ACOX2: variants seen among roughly 807,000 people sequenced by gnomAD.
The protein encoded by ACOX2 is acyl-CoA oxidase 2, also known as peroxisomal acyl-coenzyme A oxidase 2.
A neutral mutation model predicts 77.5 loss-of-function variants in ACOX2; 59 were observed. The ratio of observed to expected loss-of-function variants is 0.76; its 90% confidence interval spans 0.62 to 0.95. ACOX2 has a LOEUF of 0.95. Ranked by LOEUF, ACOX2 falls within the 40% of genes least tolerant of loss-of-function variation. The pLI is 0.00. For missense variants in ACOX2, 837 were observed against 880.4 expected, an observed-to-expected ratio of 0.95 and a Z score of 0.62; for synonymous variants, 317 against 340.1, an observed-to-expected ratio of 0.93 and a Z score of 0.75.
chr3:58,534,225 A>G lies in ACOX2; in HGVS notation c.324-80T>C. On this transcript the variant is annotated intron_variant, in intron 3 of 14. Coordinates refer to ENST00000302819, the MANE Select transcript of ACOX2 (RefSeq NM_003500.4). The surrounding 1 kb of genome is among the most constrained non-coding windows in gnomAD (Gnocchi z 4.8). Reference sequence around the variant, plus strand: ...ACCCCCTGCCTGAGCAGAGTACAGGAGATAAAGGGCACCTAGCATCCTGGT... The same window carrying G: ...ACCCCCTGCCTGAGCAGAGTACAGGGGATAAAGGGCACCTAGCATCCTGGT... 2.5e-6 allele frequency: 4 copies of G among 1,586,198 alleles called. No homozygotes were observed. Among genetic ancestry groups the G allele is most frequent in the Non-Finnish European group, 3.4e-6 (4 of 1,168,070 alleles).
At position 58,519,713 on chromosome 3, in the gene ACOX2, G is replaced by C. The variant is rs770327188; in HGVS notation, c.1633-2290C>G. On this transcript the variant is annotated intron_variant, in intron 12 of 14. Transcript: ENST00000302819. This position sits in a 1 kb window ranked among gnomAD's most constrained non-coding sequence, Gnocchi z 5.0. ...GGAAAGAACTTGTGTTTCCTAGGGGGCCCTCACACAGGTGCTGACAACTCC... is the reference window on the plus strand; with the variant it reads ...GGAAAGAACTTGTGTTTCCTAGGGGCCCCTCACACAGGTGCTGACAACTCC... 7.9e-5 allele frequency among the ~76,000 whole-genome samples: 12 copies of C among 152,192 alleles called. No homozygotes were observed. The highest frequency in any genetic ancestry group is 2.6e-4 in the Admixed American group (4 of 15,284).
At position 58,525,320 on chromosome 3, in the gene ACOX2, T is replaced by C. The variant is rs2063386580; in HGVS notation, c.1347-715A>G. Among the ~76,000 whole-genome samples, 1 of 152,256 alleles carries C rather than the reference T, an allele frequency of 6.6e-6. No individual in the cohort carries two copies. The highest frequency in any genetic ancestry group is 2.1e-4 in the South Asian group (1 of 4,834). On this transcript the variant is annotated intron_variant, in intron 10 of 14. Transcript: ENST00000302819. This position sits in a 1 kb window ranked among gnomAD's most constrained non-coding sequence, Gnocchi z 5.0. Reference sequence around the variant, plus strand: ...ATTTTTAAAAATATAATAAATGTTGTTTTTCATATTTGCCAGTGAACTTCT... The same window carrying C: ...ATTTTTAAAAATATAATAAATGTTGCTTTTCATATTTGCCAGTGAACTTCT...
rs4387990 is a variant in ACOX2, at chr3:58,530,656, G to A, written c.820-18C>T. The A allele has an allele frequency of 0.42, 667,358 of 1,607,502 alleles. 147,604 individuals carry two copies. The highest frequency in any genetic ancestry group is 0.46 in the Non-Finnish European group (540,659 of 1,175,570). On this transcript the variant is annotated intron_variant, in intron 7 of 14. Coordinates refer to ENST00000302819, the MANE Select transcript of ACOX2 (RefSeq NM_003500.4). ...GGCAAGACCTGTGTGGAACAAGGAC[G>A]GGCACAAGTTCTGGGCCAAGGCTTC...
chr3:58,530,729 G>A (rs981972820), intron 7 of ACOX2, 91 bp from the exon 8 acceptor site: 1 of 1,413,564 alleles, frequency 7.1e-7, no homozygotes, highest in Non-Finnish European at 9.6e-7. Context: ...ACACATGGAG[G>A]GCACCTCGCC....
intron 13 of ACOX2, 81 bp downstream of exon 13, chr3:58,517,125 T>G (rs1436880734): frequency 6.7e-7 from 1 of 1,485,568 alleles, no homozygotes; most frequent in Non-Finnish European, 9.3e-7. Flanking sequence ...TTAGCAAGGT[T>G]TTGGAGTTGG....
rs2063254731 is a variant in ACOX2, at chr3:58,508,926, G to A, written c.1950C>T (p.Phe650=). ...CYDGNVYERL[F]QWAQKSPTNT... ...TGGTTGGTGACTTCTGAGCCCACTG[G>A]AACAGGCGTTCGTAGACGTTTCCAT... Residue 650 remains phenylalanine (F), a synonymous_variant, in exon 14 of 15, where the codon TTC becomes TTT. Transcript: ENST00000302819. 6.2e-7 allele frequency: 1 copy of A among 1,614,038 alleles called. No homozygotes were observed. The highest frequency in any genetic ancestry group is 8.5e-7 in the Non-Finnish European group (1 of 1,180,030).
chr3:58,509,635 A>G (rs1479394351), intron 13 of ACOX2, among the ~76,000 whole-genome samples: 2 of 122,232 alleles, frequency 1.6e-5, no homozygotes, highest in Admixed American at 8.4e-5. Flanking sequence ...TTTGATACAG[A>G]GTCTCAGTTG....
At chr3:58,530,142 G>A (rs1015831445) in intron 8 of ACOX2, among the ~76,000 whole-genome samples, 1 of 152,234 alleles carries the variant, frequency 6.6e-6, no homozygotes, top group Non-Finnish European at 1.5e-5. Context: ...CACAGAACAC[G>A]GCTGGACTCG....
At chr3:58,507,006 A>G (rs1360404348) in intron 14 of ACOX2, among the ~76,000 whole-genome samples, 1 of 152,208 alleles carries the variant, frequency 6.6e-6, no homozygotes, top group Non-Finnish European at 1.5e-5. Context: ...GATCATGTAC[A>G]TTAGCAGGCA....
chr3:58,521,280 C>T lies in ACOX2; in HGVS notation c.1632+1216G>A, dbSNP rs1560214764. Reference sequence around the variant, plus strand: ...TCAACGTCCAGCCTGCCTGACCAGCCCTGTCCCACGAGGGCCTCTGCAGCC... The same window carrying T: ...TCAACGTCCAGCCTGCCTGACCAGCTCTGTCCCACGAGGGCCTCTGCAGCC... On this transcript the variant is annotated intron_variant, in intron 12 of 14. Coordinates refer to ENST00000302819, the MANE Select transcript of ACOX2 (RefSeq NM_003500.4). The surrounding 1 kb of genome is among the most constrained non-coding windows in gnomAD (Gnocchi z 4.8). Among the ~76,000 whole-genome samples, 1 of 152,168 alleles carries T rather than the reference C, an allele frequency of 6.6e-6. No homozygotes were observed. The highest frequency in any genetic ancestry group is 1.5e-5 in the Non-Finnish European group (1 of 68,024).
rs2063355085 is a variant in ACOX2, at chr3:58,521,134, TGTTGACAGGACA to T, written c.1632+1350_1632+1361del. ...GCAGGAAGCCTTGGCTCACCCTCTG[TGTTGACAGGACA>T]GTTAGCACAGCAGGGGGTGCCCCTG... On this transcript the variant is annotated intron_variant, in intron 12 of 14. Transcript: ENST00000302819. This position sits in a 1 kb window ranked among gnomAD's most constrained non-coding sequence, Gnocchi z 4.8. 6.6e-6 allele frequency among the ~76,000 whole-genome samples: 1 copy of T among 152,190 alleles called. No homozygotes were observed. The highest frequency in any genetic ancestry group is 6.5e-5 in the Admixed American group (1 of 15,284).
At position 58,533,426 on chromosome 3, in the gene ACOX2, G is replaced by C. The variant is rs199831613; in HGVS notation, c.583+19C>G. 4.8e-4 allele frequency: 766 copies of C among 1,605,244 alleles called. 5 individuals carry two copies. In the African/African-American group the frequency reaches 8.8e-3, roughly 18 times the overall value. On this transcript the variant is annotated intron_variant, in intron 5 of 14. Coordinates refer to ENST00000302819, the MANE Select transcript of ACOX2 (RefSeq NM_003500.4). This position sits in a 1 kb window ranked among gnomAD's most constrained non-coding sequence, Gnocchi z 5.6. ...TCTACTTGGGGAGAGTTAAGGAAGG[G>C]GGGTGGATGTATACTCACAGTCTCC...
intron 13 of ACOX2, among the ~76,000 whole-genome samples, chr3:58,513,332 A>G (rs537352669): frequency 2.6e-5 from 4 of 152,100 alleles, no homozygotes; most frequent in Non-Finnish European, 5.9e-5. Context: ...TTATTTTATT[A>G]ATGATTCGCT....
chr3:58,525,392 T>C lies in ACOX2; in HGVS notation c.1347-787A>G, dbSNP rs1376188322. 1.3e-5 allele frequency among the ~76,000 whole-genome samples: 2 copies of C among 152,196 alleles called. No individual in the cohort carries two copies. The highest frequency in any genetic ancestry group is 4.8e-5 in the African/African-American group (2 of 41,444). ...TTTGCCCTGTTTGTTCACCTGAGAA[T>C]AGGTGAGGATGAGGCTCTGTCGGCC... On this transcript the variant is annotated intron_variant, in intron 10 of 14. Transcript: ENST00000302819. This position sits in a 1 kb window ranked among gnomAD's most constrained non-coding sequence, Gnocchi z 5.0.
In ACOX2 at chr3:58,505,858, T is replaced by C. The variant is rs1452083078; in HGVS notation, c.1984-572A>G. Reference sequence around the variant, plus strand: ...CAGGCTGGAGTGCAGTGGTGCGATTTTGGCTCACTGCAACTTCCGCCTCCT... The same window carrying C: ...CAGGCTGGAGTGCAGTGGTGCGATTCTGGCTCACTGCAACTTCCGCCTCCT... On this transcript the variant is annotated intron_variant, in intron 14 of 14. Coordinates refer to ENST00000302819, the MANE Select transcript of ACOX2 (RefSeq NM_003500.4). The surrounding 1 kb of genome is among the most constrained non-coding windows in gnomAD (Gnocchi z 4.4). Among the ~76,000 whole-genome samples, 1 of 152,168 alleles carries C rather than the reference T, an allele frequency of 6.6e-6. No homozygotes were observed. Among genetic ancestry groups the C allele is most frequent in the Non-Finnish European group, 1.5e-5 (1 of 68,032 alleles).
At position 58,535,189 on chromosome 3, in the gene ACOX2, G is replaced by A; in HGVS notation, c.-83C>T. ...GGGTCTGCTCTCAGCATTGGTCAGT[G>A]CAAAGAACCTGTGTGCAAGAGGAAC... On this transcript the variant is annotated 5_prime_UTR_variant, in exon 2 of 15. Transcript: ENST00000302819. This position sits in a 1 kb window ranked among gnomAD's most constrained non-coding sequence, Gnocchi z 4.8. 3 of 1,560,726 alleles carry A rather than the reference G, an allele frequency of 1.9e-6. No homozygotes were observed. The highest frequency in any genetic ancestry group is 1.8e-6 in the Non-Finnish European group (2 of 1,136,908).
intron 9 of ACOX2, among the ~76,000 whole-genome samples, chr3:58,527,307 G>A (rs1477007125): frequency 1.3e-5 from 2 of 152,080 alleles, no homozygotes; most frequent in African/African-American, 2.4e-5. Context: ...GGAGGCCAAG[G>A]CAGGTGGATC....
intron 13 of ACOX2, among the ~76,000 whole-genome samples, chr3:58,516,929 T>C (rs564293013): frequency 1.8e-4 from 27 of 152,366 alleles, no homozygotes; most frequent in African/African-American, 6.0e-4. Context: ...CTTCATTTTA[T>C]TGATTTTCCT....
In ACOX2 at chr3:58,514,928, T is replaced by A. The variant is rs895837537; in HGVS notation, c.1850+2278A>T. 6.6e-5 allele frequency among the ~76,000 whole-genome samples: 10 copies of A among 152,242 alleles called. No individual in the cohort carries two copies. The highest frequency in any genetic ancestry group is 3.9e-4 in the Admixed American group (6 of 15,288). On this transcript the variant is annotated intron_variant, in intron 13 of 14. Coordinates refer to ENST00000302819, the MANE Select transcript of ACOX2 (RefSeq NM_003500.4). The surrounding 1 kb of genome is among the most constrained non-coding windows in gnomAD (Gnocchi z 4.3). ...TACTTAATTATGCTCTTAATAGTTT[T>A]CACCACTGGATTCCCTGTATTAGGG...
Sources: allele counts gnomAD v4.1 joint callset (sites outside exome capture counted in the v4.1 genomes callset), GRCh38; gene constraint gnomAD v4.1.1; non-coding constraint Gnocchi (gnomAD v3.1); transcripts MANE v1.5; gene names NCBI Gene and HGNC (gene_info 2026-07-23, HGNC 2026-07-21).